NTNG1: variants seen among roughly 807,000 people sequenced by gnomAD.
NTNG1 encodes netrin-G1.
In NTNG1, 16 loss-of-function variants were observed where a neutral mutation model predicts 54.0. That is an observed-to-expected ratio of 0.30 (90% CI 0.20 to 0.45). The LOEUF (loss-of-function observed/expected upper bound fraction) is 0.45, where lower values mean the gene tolerates loss of function less well. Ranked by LOEUF, NTNG1 falls within the 20% of genes least tolerant of loss-of-function variation. The probability of loss-of-function intolerance (pLI) is 1.00; values close to 1 mark genes in which losing one functional copy is unlikely to be tolerated. For missense variants in NTNG1, 530 were observed against 678.7 expected (o/e 0.78, Z 2.43); for synonymous variants, 255 against 263.1 (o/e 0.97, Z 0.30).
intron 3 of NTNG1, among the ~76,000 whole-genome samples, chr1:107,392,388 T>G (rs1000281677): frequency 1.3e-5 from 2 of 151,868 alleles, no homozygotes; most frequent in African/African-American, 2.4e-5. Flanking sequence ...AGACAAAGAT[T>G]GAAGGGACAA....
chr1:107,182,223 G>A (rs1269264696), intron 2 of NTNG1, among the ~76,000 whole-genome samples: 1 of 152,072 alleles, frequency 6.6e-6, no homozygotes, highest in Admixed American at 6.6e-5. Context: ...TGGGAAGGAG[G>A]AGGAAGCAGT....
chr1:107,296,001 G>A (rs865979839), intron 2 of NTNG1, among the ~76,000 whole-genome samples: 8 of 151,912 alleles, frequency 5.3e-5, no homozygotes, highest in Admixed American at 1.3e-4. Context: ...TGGCTCATCC[G>A]TCTTTGTCTC....
chr1:107,225,257 TG>T (rs1241238647), intron 2 of NTNG1, among the ~76,000 whole-genome samples: 1 of 152,120 alleles, frequency 6.6e-6, no homozygotes, highest in Non-Finnish European at 1.5e-5. Context: ...AGGTGCTCTC[TG>T]GGGGCAGTTT....
At chr1:107,272,084 C>T (rs3125678) in intron 2 of NTNG1, among the ~76,000 whole-genome samples, 27,333 of 151,988 alleles carry the variant, frequency 0.18, 5,794 homozygotes, top group African/African-American at 0.52. Flanking sequence ...TCTTGGTGTT[C>T]TTAAGTGACT....
At chr1:107,262,679 G>T (rs1396408622) in intron 2 of NTNG1, among the ~76,000 whole-genome samples, 1 of 152,192 alleles carries the variant, frequency 6.6e-6, no homozygotes, top group Non-Finnish European at 1.5e-5. Flanking sequence ...GTTGAAAATC[G>T]CTTATGTTGA....
chr1:107,407,626 T>C (rs1673513574), intron 4 of NTNG1, 56 bp from the exon 5 acceptor site: 1 of 1,355,122 alleles, frequency 7.4e-7, no homozygotes, highest in Non-Finnish European at 1.0e-6. Flanking sequence ...AAGTTAAAGA[T>C]GTTATGTACT....
chr1:107,201,972 G>A (rs961650801), intron 2 of NTNG1, among the ~76,000 whole-genome samples: 5 of 151,654 alleles, frequency 3.3e-5, no homozygotes, highest in South Asian at 2.1e-4. Flanking sequence ...GGATTATTCT[G>A]TTATAATTAT....
chr1:107,257,166 C>T (rs1367530615), intron 2 of NTNG1, among the ~76,000 whole-genome samples: 1 of 152,168 alleles, frequency 6.6e-6, no homozygotes. Context: ...AACTACCTGC[C>T]TTTATCGTCA....
intron 2 of NTNG1, among the ~76,000 whole-genome samples, chr1:107,303,878 G>T (rs1666486319): frequency 6.6e-6 from 1 of 152,070 alleles, no homozygotes. Context: ...GTACAAACGG[G>T]GTTTCACCAT....
At chr1:107,347,344 T>C (rs1002852250) in intron 3 of NTNG1, among the ~76,000 whole-genome samples, 3 of 151,988 alleles carry the variant, frequency 2.0e-5, no homozygotes, top group Non-Finnish European at 1.5e-5. Context: ...GAGACCCCCG[T>C]ATCTAGAAAA....
chr1:107,245,059 T>C (rs1392685449), intron 2 of NTNG1, among the ~76,000 whole-genome samples: 1 of 152,120 alleles, frequency 6.6e-6, no homozygotes, highest in Non-Finnish European at 1.5e-5. Context: ...CTCGGAACTG[T>C]ATCAAAAAAA....
chr1:107,173,138 A>T (rs1656377598), intron 2 of NTNG1, among the ~76,000 whole-genome samples: 1 of 152,196 alleles, frequency 6.6e-6, no homozygotes, highest in East Asian at 1.9e-4. Context: ...TATTTGTCAA[A>T]GAATCATGTA....
At chr1:107,334,040 T>C (rs1320716485) in intron 3 of NTNG1, 2 of 151,946 alleles carry the variant, frequency 1.3e-5, no homozygotes, top group Non-Finnish European at 2.9e-5. Context: ...TAAATAGAGA[T>C]GCTAAAGGAT....
intron 3 of NTNG1, among the ~76,000 whole-genome samples, chr1:107,392,241 G>A (rs1672408282): frequency 6.6e-6 from 1 of 152,128 alleles, no homozygotes; most frequent in African/African-American, 2.4e-5. Flanking sequence ...ATGGACCCCA[G>A]TGGGTAACAG....
At chr1:107,330,486 T>G (rs1023623775) in intron 3 of NTNG1, among the ~76,000 whole-genome samples, 2 of 152,170 alleles carry the variant, frequency 1.3e-5, no homozygotes, top group African/African-American at 4.8e-5. Context: ...CATATGGCAG[T>G]GGTCTCAGAT....
intron 7 of NTNG1, among the ~76,000 whole-genome samples, chr1:107,451,927 G>A (rs1310550137): frequency 6.6e-6 from 1 of 152,138 alleles, no homozygotes; most frequent in African/African-American, 2.4e-5. Context: ...TAATGGCTCT[G>A]GTTGTGAAAG....
Position 107,453,289 on chromosome 1 carries a change from C to T in NTNG1, c.1390+16490C>T, listed in dbSNP as rs575781523. Among the ~76,000 whole-genome samples the T allele has an allele frequency of 1.8e-4, 28 of 152,292 alleles. No individual in the cohort carries two copies. The South Asian group carries it at 5.0e-3, about 27-fold the overall frequency. ...TCTTTTTCATCAAGAAGGCAAAGCA[C>T]CACCTATTCCTAGCTCCAACTTTAA... On this transcript the variant is annotated intron_variant, in intron 7 of 7. Coordinates refer to ENST00000370068, the MANE Select transcript of NTNG1 (RefSeq NM_001113226.3).
chr1:107,233,309 T>C (rs1661190354), intron 2 of NTNG1, among the ~76,000 whole-genome samples: 1 of 152,234 alleles, frequency 6.6e-6, no homozygotes, highest in Admixed American at 6.5e-5. Context: ...AAAATACTTT[T>C]ATTGAGCTTA....
Position 107,246,408 on chromosome 1 carries a change from CAA to C in NTNG1, c.247-77859_247-77858del, listed in dbSNP as rs61237534. ...GAGAGTTTTATTCTCCTTGTTTAAG[CAA>C]AAAAAAAAAAAAAATGTCCTTGTGG... On this transcript the variant is annotated intron_variant, in intron 2 of 7. Transcript: ENST00000370068. Among the ~76,000 whole-genome samples, 1,000 of 138,438 alleles carry C rather than the reference CAA, an allele frequency of 7.2e-3. 1 individual carries two copies. The highest frequency in any genetic ancestry group is 9.1e-3 in the Non-Finnish European group (581 of 63,776). The allele number at this position is 138,438 out of a possible 152,430, so 90.8% of individuals were successfully genotyped here.
Sources: gnomAD v4.1 joint callset for allele counts (sites outside exome capture counted in the v4.1 genomes callset) on GRCh38, gnomAD v4.1.1 for gene constraint, MANE v1.5 for transcripts, NCBI Gene and HGNC (gene_info 2026-07-23, HGNC 2026-07-21) for gene names.